The following FREM2 variants were observed in gnomAD, a reference collection of about 807,000 sequenced individuals.
FREM2 encodes FRAS1-related extracellular matrix protein 2.
In FREM2, 119 loss-of-function variants were observed where a neutral mutation model predicts 219.9. The ratio of observed to expected loss-of-function variants is 0.54; its 90% CI spans 0.47 to 0.63. The LOEUF (loss-of-function observed/expected upper bound fraction) is 0.63, where lower values mean the gene tolerates loss of function less well. Among genes scored for constraint, FREM2 ranks in the 30% least tolerant of loss-of-function variants. The probability of loss-of-function intolerance (pLI) is 0.00; values close to 1 mark genes in which losing one functional copy is unlikely to be tolerated. For synonymous variants in FREM2, 1,562 were observed against 1,522.8 expected, an observed-to-expected ratio of 1.03 and a Z score of -0.60; for missense variants, 4,030 against 3,993.6, an observed-to-expected ratio of 1.01 and a Z score of -0.25.
At chr13:38,872,082 A>G (rs1447549739) in intron 16 of FREM2, among the ~76,000 whole-genome samples, 1 of 152,244 alleles carries the variant, frequency 6.6e-6, no homozygotes, top group Non-Finnish European at 1.5e-5. Context: ...GATAAATGAA[A>G]TGTAATATGT....
At chr13:38,707,021 A>T (rs1480620992) in intron 2 of FREM2, among the ~76,000 whole-genome samples, 3 of 152,224 alleles carry the variant, frequency 2.0e-5, no homozygotes, top group Admixed American at 2.0e-4. Flanking sequence ...ATATTTGTAT[A>T]AATGAGAAAA....
intron 2 of FREM2, among the ~76,000 whole-genome samples, chr13:38,746,997 C>G (rs1480580297): frequency 6.6e-6 from 1 of 152,068 alleles, no homozygotes; most frequent in Non-Finnish European, 1.5e-5. Context: ...CTAGTGCAGA[C>G]CTTGCTCACA....
chr13:38,769,535 A>C, intron 3 of FREM2, 43 bp from the exon 4 acceptor site: 1 of 1,510,982 alleles, frequency 6.6e-7, no homozygotes, highest in Non-Finnish European at 9.1e-7. Flanking sequence ...TAATAATCCA[A>C]GCGAAAATGA....
chr13:38,806,958 A>T (rs1368322857), intron 6 of FREM2, among the ~76,000 whole-genome samples: 1 of 151,204 alleles, frequency 6.6e-6, no homozygotes, highest in Non-Finnish European at 1.5e-5. Flanking sequence ...TTCTTTCCTT[A>T]TTCATTAGAA....
chr13:38,749,761 C>T lies in FREM2; in HGVS notation c.5264-14543C>T, dbSNP rs145576332. 5.5e-3 allele frequency among the ~76,000 whole-genome samples: 835 copies of T among 152,186 alleles called. 10 individuals are homozygous for T. Among genetic ancestry groups the T allele is most frequent in the African/African-American group, 0.019 (785 of 41,518 alleles). ...TTCCCCAAAGGGCAAAATTATTGCC[C>T]CTTCTCCAAGAACTACTGGTTTAGA... On this transcript the variant is annotated intron_variant, in intron 2 of 23. Coordinates refer to ENST00000280481, the MANE Select transcript of FREM2 (RefSeq NM_207361.6).
intron 6 of FREM2, among the ~76,000 whole-genome samples, chr13:38,831,757 G>A (rs1876519370): frequency 6.7e-6 from 1 of 148,294 alleles, no homozygotes; most frequent in Non-Finnish European, 1.5e-5. Flanking sequence ...CTACAGGTGT[G>A]CACCTCATGC....
At chr13:38,701,086 G>C (rs1870325697) in intron 2 of FREM2, among the ~76,000 whole-genome samples, 2 of 151,986 alleles carry the variant, frequency 1.3e-5, no homozygotes, top group Admixed American at 6.6e-5. Context: ...ATTATTTTGT[G>C]ACCCAGGTAC....
Position 38,789,558 on chromosome 13 carries a change from CA to C in FREM2, c.6019+4759del, listed in dbSNP as rs199614987. On this transcript the variant is annotated intron_variant, in intron 6 of 23. Coordinates refer to ENST00000280481, the MANE Select transcript of FREM2 (RefSeq NM_207361.6). ...AAAGCTATGTTTGGTTCTGACTTTT[CA>C]AAAAAAAAGAATAGAAATTTTTGGA... is the stretch of plus-strand genomic sequence containing the variant. Among the ~76,000 whole-genome samples, 1,447 of 147,408 alleles carry C rather than the reference CA, an allele frequency of 9.8e-3. 21 individuals are homozygous for C. The highest frequency in any genetic ancestry group is 0.033 in the African/African-American group (1,328 of 40,508).
rs774903381 is a variant in FREM2 at position 38,687,674 on chromosome 13, A to T, written c.330A>T (p.Leu110=). The change falls in exon 1 of 24, where the codon CTA becomes CTT. Residue 110 remains leucine, a synonymous_variant. Transcript: ENST00000280481. ...GGGACCGCTGCGCGGTTTCGGTACT[A>T]GACAACGACGCACTGGCCCAGCGAC... The part of the protein sequence containing the change: ...QPGDRCAVSV[L]DNDALAQRPG... The T allele has an allele frequency of 6.3e-7, 1 of 1,594,666 alleles. No individual in the cohort carries two copies. Among genetic ancestry groups the T allele is most frequent in the Non-Finnish European group, 8.6e-7 (1 of 1,168,982 alleles).
At position 38,692,521 on chromosome 13, in the gene FREM2, T is replaced by C. The variant is rs749562429; in HGVS notation, c.5173+4T>C. 9.3e-6 allele frequency: 15 copies of C among 1,607,838 alleles called. No individual in the cohort carries two copies. The highest frequency in any genetic ancestry group is 1.2e-5 in the Non-Finnish European group (14 of 1,179,960). On this transcript the variant is annotated splice_donor_region_variant and intron_variant, in intron 1 of 23. Transcript: ENST00000280481. ...AGCATCACTCAGTTCACACAAGGTA[T>C]GTTTCATGTTTCTTTTCTTGGTTAT...
intron 2 of FREM2, among the ~76,000 whole-genome samples, chr13:38,702,594 T>A (rs992150168): frequency 1.3e-5 from 2 of 152,026 alleles, no homozygotes; most frequent in South Asian, 2.1e-4. Flanking sequence ...TGTTTCTTGA[T>A]GGGCTTGAGA....
At chr13:38,724,731 G>T (rs2138112475) in intron 2 of FREM2, among the ~76,000 whole-genome samples, 1 of 152,284 alleles carries the variant, frequency 6.6e-6, no homozygotes. Context: ...GCTCAACTTT[G>T]TTCCTTAGCC....
chr13:38,864,488 C>T lies in FREM2; in HGVS notation c.7865C>T (p.Thr2622Ile). Residue 2622 changes from threonine to isoleucine, a missense_variant, in exon 16 of 24, where the codon ACT (threonine) becomes ATT (isoleucine). This residue lies in a region of FREM2 where 928 missense variants were observed against 1,042.9 expected (regional missense o/e 0.89). Coordinates refer to ENST00000280481, the MANE Select transcript of FREM2 (RefSeq NM_207361.6). ...YQYSLSIRGS[T>I]TLRFYRNLNL... ...TACAGCTTGTCCATCAGAGGTTCCACTACCTTGCGCTTCTACCGGAACCTG... is the reference window on the plus strand; with the variant it reads ...TACAGCTTGTCCATCAGAGGTTCCATTACCTTGCGCTTCTACCGGAACCTG... The T allele has an allele frequency of 3.1e-6, 5 of 1,614,158 alleles. No individual in the cohort carries two copies. Among genetic ancestry groups the T allele is most frequent in the South Asian group, 1.1e-5 (1 of 91,082 alleles).
At chr13:38,791,410 A>G (rs1295041924) in intron 6 of FREM2, among the ~76,000 whole-genome samples, 1 of 152,182 alleles carries the variant, frequency 6.6e-6, no homozygotes, top group Non-Finnish European at 1.5e-5. Flanking sequence ...TATGAAGAAT[A>G]AAGCAAAAGT....
chr13:38,729,362 A>G (rs1389700051), intron 2 of FREM2, among the ~76,000 whole-genome samples: 1 of 152,302 alleles, frequency 6.6e-6, no homozygotes, highest in African/African-American at 2.4e-5. Context: ...AACTTATGTT[A>G]TTCTTGAGAT....
rs1878626616 is a variant in FREM2 at position 38,883,632 on chromosome 13, G to A, written c.*2845G>A. On this transcript the variant is annotated 3_prime_UTR_variant, in exon 24 of 24. Coordinates refer to ENST00000280481, the MANE Select transcript of FREM2 (RefSeq NM_207361.6). Reference sequence around the variant, plus strand: ...CATTTACTGGTGCTCACCTAGGATTGGCTATTCTGAGGGATTGCATAGAAA... The same window carrying A: ...CATTTACTGGTGCTCACCTAGGATTAGCTATTCTGAGGGATTGCATAGAAA... 6.6e-6 allele frequency: 1 copy of A among 152,076 alleles called. No homozygotes were observed. The highest frequency in any genetic ancestry group is 6.6e-5 in the Admixed American group (1 of 15,256). 9.4% of individuals were successfully genotyped at this position (152,076 alleles called of 1,614,324 possible).
chr13:38,770,603 C>T (rs1350261519), intron 4 of FREM2, among the ~76,000 whole-genome samples: 1 of 152,048 alleles, frequency 6.6e-6, no homozygotes, highest in Non-Finnish European at 1.5e-5. Context: ...ATATATTTAC[C>T]AGCCAAAAAT....
rs150826650 is a variant in FREM2 at position 38,756,922 on chromosome 13, G to C, written c.5264-7382G>C. Reference sequence around the variant, plus strand: ...GAAAATGTGGCACTAAAAAAACTGTGAATAGGATACTTCTTTACAGCATGA... The same window carrying C: ...GAAAATGTGGCACTAAAAAAACTGTCAATAGGATACTTCTTTACAGCATGA... On this transcript the variant is annotated intron_variant, in intron 2 of 23. Coordinates refer to ENST00000280481, the MANE Select transcript of FREM2 (RefSeq NM_207361.6). 4.5e-3 allele frequency among the ~76,000 whole-genome samples: 682 copies of C among 152,188 alleles called. 4 individuals are homozygous for C. Among genetic ancestry groups the C allele is most frequent in the Non-Finnish European group, 6.2e-3 (424 of 67,998 alleles).
intron 6 of FREM2, among the ~76,000 whole-genome samples, chr13:38,841,261 C>T (rs925474144): frequency 5.9e-5 from 9 of 152,230 alleles, no homozygotes; most frequent in Admixed American, 3.9e-4. Context: ...AAATAATACG[C>T]GGATTGCTGA....
Sources: allele counts gnomAD v4.1 joint callset (sites outside exome capture counted in the v4.1 genomes callset), GRCh38; gene constraint gnomAD v4.1.1; regional missense constraint gnomAD v4.1.1; transcripts MANE v1.5; gene names NCBI Gene and HGNC (gene_info 2026-07-23, HGNC 2026-07-21).